The following EFCAB13 variants were observed in gnomAD, a reference collection of about 807,000 sequenced individuals.
EFCAB13 encodes the protein EF-hand calcium binding domain 13.
EFCAB13 carries 91 observed loss-of-function variants against 110.2 expected under a neutral mutation model. That is an observed-to-expected ratio of 0.83 (90% CI 0.70 to 0.98). EFCAB13 has a LOEUF of 0.98. EFCAB13 is among the 50% of genes least tolerant of loss of function. The pLI is 0.00. For synonymous variants in EFCAB13, 323 were observed against 369.9 expected (o/e 0.87, Z 1.45); for missense variants, 968 against 1,119.4 (o/e 0.86, Z 1.93).
At chr17:47,334,827 AT>A (rs1382465682) in intron 4 of EFCAB13, among the ~76,000 whole-genome samples, 6 of 152,124 alleles carry the variant, frequency 3.9e-5, no homozygotes, top group African/African-American at 1.4e-4. Flanking sequence ...AGGTGGGAGA[AT>A]TGCTTGAGCC....
At chr17:47,391,913 A>C (rs2065710452) in intron 15 of EFCAB13, among the ~76,000 whole-genome samples, 1 of 152,194 alleles carries the variant, frequency 6.6e-6, no homozygotes, top group Admixed American at 6.5e-5. Context: ...AAGTCAGGAC[A>C]AAAGGCATTA....
intron 9 of EFCAB13, among the ~76,000 whole-genome samples, chr17:47,349,960 G>A (rs1567784270): frequency 6.6e-6 from 1 of 151,400 alleles, no homozygotes; most frequent in African/African-American, 2.4e-5. Context: ...ATTTTTAGTA[G>A]AGACGGGGTT....
chr17:47,408,769 A>G (rs1328631360), intron 20 of EFCAB13, among the ~76,000 whole-genome samples: 1 of 152,162 alleles, frequency 6.6e-6, no homozygotes, highest in African/African-American at 2.4e-5. Flanking sequence ...AACTGATGGG[A>G]GAGGACTACT....
At chr17:47,328,703 G>C (rs1037427687) in intron 4 of EFCAB13, 1 of 230,332 alleles carries the variant, frequency 4.3e-6, no homozygotes, top group Non-Finnish European at 8.3e-6. Flanking sequence ...AATGATGTGA[G>C]AGTATAACCA....
In EFCAB13 at chr17:47,431,325, C is replaced by T. The variant is rs184234401; in HGVS notation, c.2638+1364C>T. Among the ~76,000 whole-genome samples the T allele has an allele frequency of 1.3e-5, 2 of 151,252 alleles. No homozygotes were observed. Among genetic ancestry groups the T allele is most frequent in the African/African-American group, 4.9e-5 (2 of 41,164 alleles). On this transcript the variant is annotated intron_variant, in intron 24 of 24. Coordinates refer to ENST00000331493, the MANE Select transcript of EFCAB13 (RefSeq NM_152347.5). This position sits in a 1 kb window ranked among gnomAD's most constrained non-coding sequence, Gnocchi z 4.1. ...TCTTTTTTTTCCTTTTTTCAGTCAG[C>T]TTCCCTAGGGTGAATATATCCCAAT...
Position 47,426,090 on chromosome 17 carries a change from T to C in EFCAB13, c.2495-3728T>C, listed in dbSNP as rs547321401. Among the ~76,000 whole-genome samples the C allele has an allele frequency of 4.1e-4, 62 of 152,288 alleles. No individual in the cohort carries two copies. In the South Asian group the frequency reaches 0.012, roughly 29 times the overall value. ...TCAGTGTACCCATGATGGAAGTATC[T>C]TGATAGTACCCAAAGAACTGGTAGC... On this transcript the variant is annotated intron_variant, in intron 23 of 24. Coordinates refer to ENST00000331493, the MANE Select transcript of EFCAB13 (RefSeq NM_152347.5).
chr17:47,410,449 A>G (rs1370974744), intron 21 of EFCAB13, among the ~76,000 whole-genome samples: 1 of 152,320 alleles, frequency 6.6e-6, no homozygotes, highest in African/African-American at 2.4e-5. Context: ...CAATCAAACC[A>G]TAGCATTCCA....
chr17:47,385,051 G>A (rs746582844), intron 14 of EFCAB13, among the ~76,000 whole-genome samples: 9 of 152,170 alleles, frequency 5.9e-5, no homozygotes, highest in African/African-American at 1.7e-4. Context: ...AATTACAGGC[G>A]TGAGCCACCA....
intron 9 of EFCAB13, among the ~76,000 whole-genome samples, chr17:47,351,304 T>TGTGTGTGTGTGTGCGCGC (rs1280645583): frequency 2.4e-5 from 3 of 122,980 alleles, no homozygotes; most frequent in African/African-American, 7.9e-5. Flanking sequence ...TGTGTGTGTG[T>TGTGTGTGTGTGTGCGCGC]GCGCGCGCGC....
At chr17:47,426,801 T>C (rs547058985) in intron 23 of EFCAB13, among the ~76,000 whole-genome samples, 1 of 152,310 alleles carries the variant, frequency 6.6e-6, no homozygotes, top group Non-Finnish European at 1.5e-5. Flanking sequence ...TGTTAGGTAA[T>C]TTCACTTCTT....
intron 5 of EFCAB13, among the ~76,000 whole-genome samples, chr17:47,337,661 A>T (rs1598720224): frequency 6.6e-6 from 1 of 152,292 alleles, no homozygotes; most frequent in African/African-American, 2.4e-5. Context: ...GTTTAGGCCC[A>T]GGTTGAGGAC....
intron 15 of EFCAB13, among the ~76,000 whole-genome samples, chr17:47,393,743 AAT>A (rs1555583991): frequency 6.9e-6 from 1 of 144,144 alleles, no homozygotes; most frequent in East Asian, 2.0e-4. Context: ...TAAATAAATA[AAT>A]AAATAAATAA....
At chr17:47,396,614 C>T (rs1254591608) in intron 17 of EFCAB13, among the ~76,000 whole-genome samples, 3 of 152,042 alleles carry the variant, frequency 2.0e-5, no homozygotes, top group Non-Finnish European at 2.9e-5. Flanking sequence ...GTACCTAGTA[C>T]GTTTATATTC....
At chr17:47,401,220 C>T (rs890160201) in intron 17 of EFCAB13, among the ~76,000 whole-genome samples, 1 of 152,234 alleles carries the variant, frequency 6.6e-6, no homozygotes. Context: ...TAGCTATATA[C>T]TTAAGCCCTG....
rs769874228 is a variant in EFCAB13 at position 47,394,061 on chromosome 17, C to T, written c.1763C>T (p.Thr588Ile). ...GTGAATTTTAAAGAATTCATTGATA[C>T]TATGATGAGCAACACGGAATGCTTC... is the stretch of plus-strand genomic sequence containing the variant. ...KKVNFKEFID[T>I]MMSNTECFSE... The change falls in exon 16 of 25, where the codon ACT (threonine) becomes ATT (isoleucine). Residue 588 changes from threonine to isoleucine, a missense_variant. Coordinates refer to ENST00000331493, the MANE Select transcript of EFCAB13 (RefSeq NM_152347.5). 1.0e-5 allele frequency: 16 copies of T among 1,549,064 alleles called. No individual in the cohort carries two copies. The highest frequency in any genetic ancestry group is 9.4e-5 in the East Asian group (4 of 42,576).
intron 10 of EFCAB13, among the ~76,000 whole-genome samples, chr17:47,367,926 A>G (rs1347789277): frequency 6.6e-6 from 1 of 152,160 alleles, no homozygotes; most frequent in Non-Finnish European, 1.5e-5. Flanking sequence ...GCTGGTGGGC[A>G]GGGGACTAGA....
intron 22 of EFCAB13, 45 bp from the exon 23 acceptor site, chr17:47,414,803 A>C (rs1275185750): frequency 8.0e-7 from 1 of 1,253,302 alleles, no homozygotes; most frequent in Non-Finnish European, 1.2e-6. Flanking sequence ...GTGCCAATTC[A>C]GTATCAGGTT....
At chr17:47,379,065 A>G in intron 13 of EFCAB13, 117 bp from the exon 14 acceptor site, 1 of 697,258 alleles carries the variant, frequency 1.4e-6, no homozygotes, top group Non-Finnish European at 2.5e-6. Context: ...ATGAAGGAGA[A>G]ATAGGATGAT....
chr17:47,414,690 A>G (rs549914946), intron 22 of EFCAB13, among the ~76,000 whole-genome samples, 158 bp from the exon 23 acceptor site: 2 of 152,298 alleles, frequency 1.3e-5, no homozygotes, highest in South Asian at 4.1e-4. Flanking sequence ...GGTGGTTTTA[A>G]AAAGTGTTAA....
Sources: allele counts gnomAD v4.1 joint callset (sites outside exome capture counted in the v4.1 genomes callset), GRCh38; gene constraint gnomAD v4.1.1; non-coding constraint Gnocchi (gnomAD v3.1); transcripts MANE v1.5; gene names NCBI Gene and HGNC (gene_info 2026-07-23, HGNC 2026-07-21).